Variants in HSPA12A observed in about 807,000 individuals in gnomAD.
HSPA12A encodes heat shock 70 kDa protein 12A.
Under a neutral mutation model 69.2 loss-of-function variants are expected in HSPA12A, and 28 were observed. That is an observed-to-expected ratio of 0.40 (90% CI 0.30 to 0.55). HSPA12A has a LOEUF of 0.55. Ranked by LOEUF, HSPA12A falls within the 20% of genes least tolerant of loss-of-function variation. HSPA12A has a pLI of 0.38. For missense variants in HSPA12A, 686 were observed against 900.7 expected, an observed-to-expected ratio of 0.76 and a Z score of 3.05; for synonymous variants, 345 against 370.5, an observed-to-expected ratio of 0.93 and a Z score of 0.79.
chr10:116,698,600 G>C (rs782395089), intron 5 of HSPA12A, 35 bp downstream of exon 5: 2 of 1,555,644 alleles, frequency 1.3e-6, no homozygotes, highest in Non-Finnish European at 1.8e-6. Flanking sequence ...CCACCGCCTA[G>C]CACACAGCTG....
intron 1 of HSPA12A, among the ~76,000 whole-genome samples, chr10:116,847,074 C>G (rs1845901054): frequency 6.6e-6 from 1 of 152,144 alleles, no homozygotes; most frequent in South Asian, 2.1e-4. Context: ...ATCTTCAGTC[C>G]TCCCTTTTCT....
At chr10:116,678,141 C>A (rs1452691808) in intron 10 of HSPA12A, among the ~76,000 whole-genome samples, 1 of 151,824 alleles carries the variant, frequency 6.6e-6, no homozygotes, top group Admixed American at 6.6e-5. Flanking sequence ...GAGTGATGGA[C>A]CAAGATGGTG....
At position 116,705,294 on chromosome 10, in the gene HSPA12A, G is replaced by C. The variant is rs1309267464; in HGVS notation, c.127-16C>G. On this transcript the variant is annotated splice_polypyrimidine_tract_variant and intron_variant, in intron 2 of 11. Coordinates refer to ENST00000369209, the MANE Select transcript of HSPA12A (RefSeq NM_025015.3). ...CAGTGTCGTTCTGCAGATATACAGTGAGGCATGGGGGGTGTGGAGGGGTGG... is the reference window on the plus strand; with the variant it reads ...CAGTGTCGTTCTGCAGATATACAGTCAGGCATGGGGGGTGTGGAGGGGTGG... The C allele has an allele frequency of 5.0e-6, 8 of 1,613,964 alleles. No individual in the cohort carries two copies. Among genetic ancestry groups the C allele is most frequent in the South Asian group, 1.1e-5 (1 of 91,078 alleles).
intron 1 of HSPA12A, among the ~76,000 whole-genome samples, chr10:116,847,253 C>G (rs1282726866): frequency 2.0e-5 from 3 of 152,216 alleles, no homozygotes; most frequent in Non-Finnish European, 4.4e-5. Flanking sequence ...CATCCAACCA[C>G]TCAAAGCCTT....
At chr10:116,681,979 G>A in intron 7 of HSPA12A, 102 bp from the exon 8 acceptor site, 1 of 1,023,902 alleles carries the variant, frequency 9.8e-7, no homozygotes, top group East Asian at 2.4e-5. Flanking sequence ...ATTTAGGGAT[G>A]GAACATTAGT....
At chr10:116,771,775 T>C in intron 2 of HSPA12A, among the ~76,000 whole-genome samples, 1 of 145,164 alleles carries the variant, frequency 6.9e-6, no homozygotes, top group East Asian at 2.0e-4. Flanking sequence ...GGGGCCCAGA[T>C]AGAAAGGCAG....
chr10:116,784,116 C>T (rs1249010712), intron 2 of HSPA12A, among the ~76,000 whole-genome samples: 1 of 152,232 alleles, frequency 6.6e-6, no homozygotes, highest in Non-Finnish European at 1.5e-5. Context: ...TCTTAGGGAA[C>T]CAGATGGCTA....
chr10:116,783,700 T>C (rs1357771358), intron 2 of HSPA12A, among the ~76,000 whole-genome samples: 1 of 152,190 alleles, frequency 6.6e-6, no homozygotes, highest in Non-Finnish European at 1.5e-5. Context: ...CAGAATGGTG[T>C]GTTAGTATAC....
chr10:116,825,784 T>C (rs1395316678), intron 2 of HSPA12A, among the ~76,000 whole-genome samples: 1 of 152,136 alleles, frequency 6.6e-6, no homozygotes, highest in Non-Finnish European at 1.5e-5. Flanking sequence ...TTGATCATGG[T>C]GATGGTTGCA....
chr10:116,731,654 C>T (rs1001651119), intron 1 of HSPA12A, among the ~76,000 whole-genome samples: 1 of 152,210 alleles, frequency 6.6e-6, no homozygotes, highest in Non-Finnish European at 1.5e-5. Flanking sequence ...CATTCTTGTA[C>T]AGCCCTCACC....
chr10:116,704,949 C>A (rs528253209), intron 3 of HSPA12A, among the ~76,000 whole-genome samples: 1 of 152,336 alleles, frequency 6.6e-6, no homozygotes, highest in African/African-American at 2.4e-5. Flanking sequence ...AAATCAGAAT[C>A]AAACCAACGT....
Position 116,735,489 on chromosome 10 carries a change from G to A in HSPA12A, c.40+6941C>T, listed in dbSNP as rs1284420209. ...TGCTGTCCTGAGGCCACCACATAAA[G>A]AAGCCTGAGCTTGCCTCTTAGAGGA... is the stretch of plus-strand genomic sequence containing the variant. On this transcript the variant is annotated intron_variant, in intron 1 of 11. Coordinates refer to ENST00000369209, the MANE Select transcript of HSPA12A (RefSeq NM_025015.3). 3.3e-5 allele frequency among the ~76,000 whole-genome samples: 5 copies of A among 152,146 alleles called. No individual in the cohort carries two copies. In the East Asian group the frequency reaches 7.7e-4, roughly 24 times the overall value.
At chr10:116,797,372 C>CT (rs1304692959) in intron 2 of HSPA12A, among the ~76,000 whole-genome samples, 3 of 152,122 alleles carry the variant, frequency 2.0e-5, no homozygotes, top group African/African-American at 7.2e-5. Flanking sequence ...GCAGAAGGAC[C>CT]TGTGGACCAG....
intron 1 of HSPA12A, among the ~76,000 whole-genome samples, chr10:116,713,771 AC>A (rs1221171746): frequency 1.3e-5 from 2 of 152,178 alleles, no homozygotes; most frequent in Non-Finnish European, 2.9e-5. Flanking sequence ...TGCTTGACCA[AC>A]AGTTTTACTA....
intron 3 of HSPA12A, among the ~76,000 whole-genome samples, chr10:116,702,153 G>T (rs1554881705): frequency 6.6e-6 from 1 of 151,778 alleles, no homozygotes; most frequent in Non-Finnish European, 1.5e-5. Context: ...AGAGGCTGCA[G>T]TGAGAGCAAG....
chr10:116,802,737 A>T (rs1844984820), intron 2 of HSPA12A, among the ~76,000 whole-genome samples: 1 of 152,214 alleles, frequency 6.6e-6, no homozygotes, highest in Admixed American at 6.5e-5. Flanking sequence ...TGCCCCGATC[A>T]CGGCTTGCCT....
exon 1 of HSPA12A, chr10:116,849,686 C>T (rs1398921352): frequency 6.5e-7 from 1 of 1,548,146 alleles, no homozygotes; most frequent in Admixed American, 2.0e-5. Context: ...AAGAGCTGCT[C>T]AACTCCACCT....
At chr10:116,846,156 G>A (rs1296064537) in intron 1 of HSPA12A, among the ~76,000 whole-genome samples, 1 of 152,078 alleles carries the variant, frequency 6.6e-6, no homozygotes, top group Admixed American at 6.5e-5. Context: ...GACTGGGATG[G>A]TAGTTTCTAT....
At chr10:116,716,356 A>T (rs2133011928) in intron 1 of HSPA12A, among the ~76,000 whole-genome samples, 1 of 151,704 alleles carries the variant, frequency 6.6e-6, no homozygotes, top group East Asian at 2.0e-4. Context: ...CTCACCCCAG[A>T]CAGGAATGGT....
Sources: gnomAD v4.1 joint callset for allele counts (sites outside exome capture counted in the v4.1 genomes callset) on GRCh38, gnomAD v4.1.1 for gene constraint, MANE v1.5 for transcripts, NCBI Gene and HGNC (gene_info 2026-07-23, HGNC 2026-07-21) for gene names.